CRIM1: variants seen among roughly 807,000 people sequenced by gnomAD.
CRIM1 encodes cysteine-rich motor neuron 1 protein.
Under a neutral mutation model 116.4 loss-of-function variants are expected in CRIM1, and 32 were observed. The observed-to-expected ratio is 0.27, with a 90% confidence interval of 0.21 to 0.37. The LOEUF (loss-of-function observed/expected upper bound fraction) is 0.37. Ranked by LOEUF, CRIM1 falls within the 10% of genes least tolerant of loss-of-function variation. The pLI is 1.00. For missense variants in CRIM1, 1,331 were observed against 1,354.8 expected (o/e 0.98, Z 0.28); for synonymous variants, 590 against 509.2 (o/e 1.16, Z -2.13).
intron 13 of CRIM1, 45 bp from the exon 14 acceptor site, chr2:36,537,307 C>T (rs374337965): frequency 3.8e-5 from 59 of 1,542,502 alleles, no homozygotes; most frequent in Middle Eastern, 1.7e-4. Flanking sequence ...AGATCGTGTG[C>T]GTTGTCACAT....
At chr2:36,529,174 C>A (rs1317671931) in intron 13 of CRIM1, 10 of 471,166 alleles carry the variant, frequency 2.1e-5, no homozygotes, top group Non-Finnish European at 3.5e-5. Flanking sequence ...TGATTTTGTA[C>A]CCTCTAGTGG....
At position 36,361,605 on chromosome 2, in the gene CRIM1, A is replaced by G. The variant is rs532983512; in HGVS notation, c.331+4982A>G. ...ATTGAATTCATCTTAGCACAAGTAT[A>G]TCATCCTTTGAAGAATAATCCAAAA... On this transcript the variant is annotated intron_variant, in intron 1 of 16. Coordinates refer to ENST00000280527, the MANE Select transcript of CRIM1 (RefSeq NM_016441.3). Among the ~76,000 whole-genome samples the G allele has an allele frequency of 4.1e-4, 63 of 152,358 alleles. No homozygotes were observed. The South Asian group carries it at 4.1e-3, about 10-fold the overall frequency.
At position 36,532,558 on chromosome 2, in the gene CRIM1, C is replaced by T. The variant is rs186005852; in HGVS notation, c.2429-4794C>T. Among the ~76,000 whole-genome samples the T allele has an allele frequency of 9.1e-4, 139 of 152,260 alleles. 1 individual carries two copies. In the Middle Eastern group the frequency reaches 0.034, roughly 37 times the overall value. ...TTATCTTTGAAGACAAAGATAAATT[C>T]GAGTCCCCATTTTCAAGAGTCAGTG... On this transcript the variant is annotated intron_variant, in intron 13 of 16. Transcript: ENST00000280527.
chr2:36,495,538 C>A (rs182659485), intron 7 of CRIM1, among the ~76,000 whole-genome samples: 1 of 128,340 alleles, frequency 7.8e-6, no homozygotes, highest in East Asian at 2.3e-4. Flanking sequence ...ATTCTAGATT[C>A]TTTAAAATCA....
intron 1 of CRIM1, among the ~76,000 whole-genome samples, chr2:36,393,427 T>C (rs1356612382): frequency 3.3e-5 from 5 of 152,190 alleles, no homozygotes; most frequent in Non-Finnish European, 7.3e-5. Flanking sequence ...TTAGACACTT[T>C]TTTTGTTAAA....
chr2:36,447,719 CT>C lies in CRIM1; in HGVS notation c.869+4986del, dbSNP rs60136909. 9.9e-3 allele frequency among the ~76,000 whole-genome samples: 1,512 copies of C among 152,340 alleles called. 19 individuals carry two copies. The highest frequency in any genetic ancestry group is 0.035 in the African/African-American group (1,461 of 41,578). On this transcript the variant is annotated intron_variant, in intron 4 of 16. Coordinates refer to ENST00000280527, the MANE Select transcript of CRIM1 (RefSeq NM_016441.3). ...TCAAAGGTTTGGAAAGTAGGTTCCACTTCTTGATGAGATAAGCCACAAAGAA... is the reference window on the plus strand; with the variant it reads ...TCAAAGGTTTGGAAAGTAGGTTCCACTCTTGATGAGATAAGCCACAAAGAA...
In CRIM1 at chr2:36,370,035, C is replaced by T. The variant is rs147727925; in HGVS notation, c.331+13412C>T. ...CTGTAGATCAGCAAACTGAAAATGA[C>T]TTCTTAATAAAAGGTCGCACATTGT... On this transcript the variant is annotated intron_variant, in intron 1 of 16. Transcript: ENST00000280527. Among the ~76,000 whole-genome samples, 451 of 152,300 alleles carry T rather than the reference C, an allele frequency of 3.0e-3. 2 individuals are homozygous for T. The highest frequency in any genetic ancestry group is 0.011 in the African/African-American group (438 of 41,566).
rs375510596 is a variant in CRIM1, at chr2:36,356,992, C to T, written c.331+369C>T. Among the ~76,000 whole-genome samples, 90 of 152,286 alleles carry T rather than the reference C, an allele frequency of 5.9e-4. No homozygotes were observed. Among genetic ancestry groups the T allele is most frequent in the African/African-American group, 2.0e-3 (84 of 41,576 alleles). Reference sequence around the variant, plus strand: ...ACTGCAGATTCTGCCGCGCGCGAGCCCCTCGGGGAGCCCGGCCCTACCGCC... The same window carrying T: ...ACTGCAGATTCTGCCGCGCGCGAGCTCCTCGGGGAGCCCGGCCCTACCGCC... On this transcript the variant is annotated intron_variant, in intron 1 of 16. Transcript: ENST00000280527. The surrounding 1 kb of genome is among the most constrained non-coding windows in gnomAD (Gnocchi z 4.3).
rs541614489 is a variant in CRIM1 at position 36,387,660 on chromosome 2, C to T, written c.332-8954C>T. 3.3e-5 allele frequency among the ~76,000 whole-genome samples: 5 copies of T among 152,214 alleles called. No individual in the cohort carries two copies. The East Asian group carries it at 5.8e-4, about 18-fold the overall frequency. On this transcript the variant is annotated intron_variant, in intron 1 of 16. Coordinates refer to ENST00000280527, the MANE Select transcript of CRIM1 (RefSeq NM_016441.3). ...CCTACCTTGGTGATTTAAAAAATTT[C>T]GGAAATGGAGCCATTCAGTGTCTAA... is the stretch of plus-strand genomic sequence containing the variant.
At chr2:36,470,364 G>C (rs1453951821) in intron 5 of CRIM1, among the ~76,000 whole-genome samples, 12 of 152,202 alleles carry the variant, frequency 7.9e-5, no homozygotes, top group Admixed American at 7.9e-4. Flanking sequence ...ATTCAGTGTA[G>C]AGGAAGCAGC....
At chr2:36,497,718 AT>A (rs969192233) in intron 7 of CRIM1, among the ~76,000 whole-genome samples, 6 of 152,188 alleles carry the variant, frequency 3.9e-5, no homozygotes, top group African/African-American at 1.4e-4. Flanking sequence ...CTTGATACAT[AT>A]TTTTACTGGG....
Position 36,356,526 on chromosome 2 carries a change from C to T in CRIM1, c.234C>T (p.Phe78=). The part of the protein sequence containing the change: ...SQRNESCGGT[F]GIYGTCDRGL... ...GGAACGAGAGCTGCGGCGGCACCTT[C>T]GGGATTTACGGAACCTGCGACCGGG... The change falls in exon 1 of 17, where the codon TTC becomes TTT. Residue 78 remains phenylalanine, a synonymous_variant. Transcript: ENST00000280527. This position sits in a 1 kb window ranked among gnomAD's most constrained non-coding sequence, Gnocchi z 4.3. 1 of 1,612,964 alleles carries T rather than the reference C, an allele frequency of 6.2e-7. No homozygotes were observed. The highest frequency in any genetic ancestry group is 8.5e-7 in the Non-Finnish European group (1 of 1,179,876).
intron 8 of CRIM1, among the ~76,000 whole-genome samples, chr2:36,499,788 C>G (rs554528779): frequency 6.6e-6 from 1 of 152,144 alleles, no homozygotes; most frequent in Non-Finnish European, 1.5e-5. Flanking sequence ...TATCCAGGCC[C>G]TGCCCTCTAG....
chr2:36,510,046 C>T lies in CRIM1; in HGVS notation c.1565C>T (p.Thr522Ile). The stretch of plus-strand genomic sequence containing the variant: ...TTGAACTGTCCCTTCGGTTTCCTTA[C>T]TGATGCCCAAAACTGTGAGATCTGT... ...CTLNCPFGFL[T>I]DAQNCEICEC... Residue 522 changes from threonine (T) to isoleucine (I), a missense_variant, in exon 9 of 17, where the codon ACT becomes ATT. Physicochemically the swap from Thr to Ile is moderately conservative, Grantham distance 89. Around this residue, in one of 3 missense-constraint regions of CRIM1, gnomAD observed 358 missense variants for 436.1 expected, o/e 0.82. Transcript: ENST00000280527. 1 of 1,614,200 alleles carries T rather than the reference C, an allele frequency of 6.2e-7. No homozygotes were observed.
intron 6 of CRIM1, among the ~76,000 whole-genome samples, chr2:36,477,486 G>A (rs941579089): frequency 1.3e-5 from 2 of 152,142 alleles, no homozygotes; most frequent in South Asian, 4.1e-4. Flanking sequence ...CAGCCTGCCG[G>A]CCCAGAGAGG....
chr2:36,464,593 G>T lies in CRIM1; in HGVS notation c.929G>T (p.Arg310Leu), dbSNP rs199612229. 3.1e-6 allele frequency: 5 copies of T among 1,614,044 alleles called. No individual in the cohort carries two copies. The highest frequency in any genetic ancestry group is 4.2e-6 in the Non-Finnish European group (5 of 1,179,962). Residue 310 changes from arginine to leucine, a missense_variant, in exon 5 of 17, where the codon CGC becomes CTC. Arg to Leu is a moderately radical substitution (Grantham distance 102, BLOSUM62 -2). Transcript: ENST00000280527. ...FPVCEVGSTP[R>L]IVSRGDGTPG... ...GTGTGTGAGGTGGGATCCACTCCCC[G>T]CATAGTCTCTCGTGGCGATGGGACA...
At chr2:36,502,868 A>C (rs1052326807) in intron 8 of CRIM1, among the ~76,000 whole-genome samples, 1 of 152,216 alleles carries the variant, frequency 6.6e-6, no homozygotes, top group Admixed American at 6.5e-5. Flanking sequence ...TTTGGATATC[A>C]TTCTTGCCTG....
intron 1 of CRIM1, among the ~76,000 whole-genome samples, chr2:36,380,256 T>G (rs992357722): frequency 6.6e-6 from 1 of 152,212 alleles, no homozygotes; most frequent in Non-Finnish European, 1.5e-5. Context: ...CTACACAGTT[T>G]GAGCTCAAGC....
chr2:36,458,094 T>C (rs77178928), intron 4 of CRIM1, among the ~76,000 whole-genome samples: 1,657 of 152,264 alleles, frequency 0.011, 24 homozygotes, highest in African/African-American at 0.038. Flanking sequence ...GTAGATCCAG[T>C]ATTGAAAGAA....
Sources: gnomAD v4.1 joint callset for allele counts (sites outside exome capture counted in the v4.1 genomes callset) on GRCh38, gnomAD v4.1.1 for gene constraint, gnomAD v4.1.1 regional missense constraint, Gnocchi (gnomAD v3.1) non-coding constraint, MANE v1.5 for transcripts, NCBI Gene and HGNC (gene_info 2026-07-23, HGNC 2026-07-21) for gene names.